VAV3: variants seen among roughly 807,000 people sequenced by gnomAD.
VAV3 encodes vav guanine nucleotide exchange factor 3.
Under a neutral mutation model 131.2 loss-of-function variants are expected in VAV3, and 94 were observed. The ratio of observed to expected loss-of-function variants is 0.72; its 90% CI spans 0.61 to 0.85. VAV3 has a LOEUF of 0.85. Ranked by LOEUF, VAV3 falls within the 40% of genes least tolerant of loss-of-function variation. VAV3 has a pLI of 0.00. For synonymous variants in VAV3, 349 were observed against 342.0 expected (o/e 1.02, Z -0.22); for missense variants, 939 against 1,002.7 (o/e 0.94, Z 0.86).
chr1:107,720,685 A>G (rs1290910289), intron 15 of VAV3, among the ~76,000 whole-genome samples: 1 of 152,166 alleles, frequency 6.6e-6, no homozygotes, highest in Non-Finnish European at 1.5e-5. Flanking sequence ...TCTCAAGAGA[A>G]AAAGTGTAGT....
intron 2 of VAV3, among the ~76,000 whole-genome samples, chr1:107,850,966 G>A (rs1434090469): frequency 6.6e-6 from 1 of 151,976 alleles, no homozygotes; most frequent in Non-Finnish European, 1.5e-5. Context: ...AGAACTTGAA[G>A]GAAGAAAAGT....
At position 107,904,608 on chromosome 1, in the gene VAV3, T is replaced by C. The variant is rs554437724; in HGVS notation, c.205-29591A>G. Among the ~76,000 whole-genome samples the C allele has an allele frequency of 7.0e-4, 106 of 152,370 alleles. 3 individuals carry two copies. The South Asian group carries it at 0.022, about 31-fold the overall frequency. On this transcript the variant is annotated intron_variant, in intron 1 of 26. Transcript: ENST00000370056. ...TGTGTAACAGTTTTGCCTCCTGCCCTTTCTGTTCTATAAATGTTACTCAAC... is the reference window on the plus strand; with the variant it reads ...TGTGTAACAGTTTTGCCTCCTGCCCCTTCTGTTCTATAAATGTTACTCAAC...
chr1:107,707,265 C>T (rs1660506956), intron 15 of VAV3, among the ~76,000 whole-genome samples: 1 of 152,182 alleles, frequency 6.6e-6, no homozygotes, highest in South Asian at 2.1e-4. Context: ...GAAACTGCTG[C>T]TGAGGCAGTA....
chr1:107,789,745 A>G (rs11576851), intron 2 of VAV3, among the ~76,000 whole-genome samples: 84,140 of 152,102 alleles, frequency 0.55, 23,641 homozygotes, highest in Non-Finnish European at 0.61. Flanking sequence ...ACAACCAGGT[A>G]AAAATAATTT....
intron 25 of VAV3, among the ~76,000 whole-genome samples, chr1:107,584,459 A>C (rs1213394152): frequency 6.6e-6 from 1 of 152,218 alleles, no homozygotes; most frequent in African/African-American, 2.4e-5. Flanking sequence ...CTACCATCAG[A>C]GTGAACAGGC....
intron 2 of VAV3, among the ~76,000 whole-genome samples, chr1:107,784,957 G>A (rs1315006065): frequency 6.6e-6 from 1 of 152,138 alleles, no homozygotes; most frequent in Non-Finnish European, 1.5e-5. Flanking sequence ...ATACTGACAT[G>A]TTCCCCTATG....
chr1:107,675,756 T>A (rs1181322325), intron 19 of VAV3, among the ~76,000 whole-genome samples: 2 of 152,114 alleles, frequency 1.3e-5, no homozygotes, highest in Non-Finnish European at 2.9e-5. Flanking sequence ...GATAAACCAA[T>A]CTATGCTAAC....
intron 2 of VAV3, among the ~76,000 whole-genome samples, chr1:107,863,561 C>T (rs761686996): frequency 6.6e-6 from 1 of 152,182 alleles, no homozygotes; most frequent in Non-Finnish European, 1.5e-5. Context: ...ATCCAGCTTG[C>T]CCCTGTTGCA....
At chr1:107,900,597 G>T (rs1346021148) in intron 1 of VAV3, among the ~76,000 whole-genome samples, 2 of 152,152 alleles carry the variant, frequency 1.3e-5, no homozygotes, top group Non-Finnish European at 2.9e-5. Flanking sequence ...GTTGATAAGT[G>T]CAGTCCATTT....
chr1:107,614,479 TAAAA>T (rs141884557), intron 21 of VAV3, among the ~76,000 whole-genome samples: 1 of 149,524 alleles, frequency 6.7e-6, no homozygotes, highest in Non-Finnish European at 1.5e-5. Context: ...GCCCTATAAT[TAAAA>T]AAAAAATCTA....
At chr1:107,936,124 G>C (rs1348443826) in intron 1 of VAV3, among the ~76,000 whole-genome samples, 1 of 152,188 alleles carries the variant, frequency 6.6e-6, no homozygotes, top group Non-Finnish European at 1.5e-5. Context: ...TGAGAAGGGA[G>C]AGGAGGGGCT....
intron 1 of VAV3, among the ~76,000 whole-genome samples, chr1:107,891,892 T>G (rs1280203902): frequency 6.7e-6 from 1 of 150,276 alleles, no homozygotes; most frequent in African/African-American, 2.4e-5. Flanking sequence ...CAGGCTGCTT[T>G]CAAGTCACCC....
At chr1:107,582,865 A>G (rs71655920) in intron 25 of VAV3, among the ~76,000 whole-genome samples, 7 of 152,092 alleles carry the variant, frequency 4.6e-5, no homozygotes, top group African/African-American at 1.4e-4. Context: ...TAGTGATGCA[A>G]TAAACATACG....
At chr1:107,694,651 G>C (rs190868612) in intron 17 of VAV3, among the ~76,000 whole-genome samples, 35 of 152,192 alleles carry the variant, frequency 2.3e-4, no homozygotes, top group South Asian at 1.5e-3. Context: ...TACGAAGGTG[G>C]AACCAAAACT....
intron 2 of VAV3, among the ~76,000 whole-genome samples, chr1:107,813,273 C>T (rs755193487): frequency 6.6e-6 from 1 of 152,080 alleles, no homozygotes; most frequent in Non-Finnish European, 1.5e-5. Context: ...ACAAGCTACA[C>T]TCAAGAAAAG....
At chr1:107,923,419 A>G (rs1673010971) in intron 1 of VAV3, among the ~76,000 whole-genome samples, 1 of 152,182 alleles carries the variant, frequency 6.6e-6, no homozygotes, top group Non-Finnish European at 1.5e-5. Context: ...AGGTCATACG[A>G]ACAGAGCCTT....
intron 2 of VAV3, among the ~76,000 whole-genome samples, chr1:107,793,670 T>C (rs577281711): frequency 1.3e-5 from 2 of 152,284 alleles, no homozygotes; most frequent in Non-Finnish European, 2.9e-5. Context: ...GGTAGACAGT[T>C]TTAAACACCA....
intron 1 of VAV3, among the ~76,000 whole-genome samples, chr1:107,885,837 C>T (rs953308236): frequency 1.3e-5 from 2 of 152,130 alleles, no homozygotes; most frequent in African/African-American, 4.8e-5. Flanking sequence ...TATTCTGTCT[C>T]TTATATGGCA....
intron 1 of VAV3, among the ~76,000 whole-genome samples, chr1:107,918,201 G>A (rs1672713875): frequency 6.6e-6 from 1 of 152,064 alleles, no homozygotes; most frequent in South Asian, 2.1e-4. Flanking sequence ...AGGCAGGGTT[G>A]GGAAAGATAG....
Sources: gnomAD v4.1 joint callset for allele counts (sites outside exome capture counted in the v4.1 genomes callset) on GRCh38, gnomAD v4.1.1 for gene constraint, MANE v1.5 for transcripts, NCBI Gene and HGNC (gene_info 2026-07-23, HGNC 2026-07-21) for gene names.